Variants in AP3S2 observed in about 807,000 individuals in gnomAD.
AP3S2 encodes the protein AP-3 complex subunit sigma-2.
A neutral mutation model predicts 23.4 loss-of-function variants in AP3S2; 22 were observed. The ratio of observed to expected loss-of-function variants is 0.94; its 90% confidence interval spans 0.67 to 1.34. The LOEUF (loss-of-function observed/expected upper bound fraction) is 1.34, where lower values mean the gene tolerates loss of function less well. AP3S2 is among the 40% of genes most tolerant of loss of function. AP3S2 has a pLI of 0.00. For synonymous variants in AP3S2, 86 were observed against 87.1 expected, an observed-to-expected ratio of 0.99 and a Z score of 0.07; for missense variants, 241 against 236.9, an observed-to-expected ratio of 1.02 and a Z score of -0.11.
chr15:89,870,598 C>T (rs1433646293), intron 4 of AP3S2, among the ~76,000 whole-genome samples: 1 of 152,162 alleles, frequency 6.6e-6, no homozygotes, highest in Non-Finnish European at 1.5e-5. Context: ...TGAAAAACAA[C>T]AAGAAAGTCC....
intron 3 of AP3S2, chr15:89,883,989 C>A (rs895908104): frequency 3.3e-5 from 5 of 152,928 alleles, no homozygotes; most frequent in African/African-American, 1.2e-4. Context: ...ATGCAAATAT[C>A]CCCAAATCTG....
intron 3 of AP3S2, chr15:89,883,897 T>G (rs554484340): frequency 6.6e-6 from 1 of 152,286 alleles, no homozygotes; most frequent in Admixed American, 6.5e-5. Context: ...AAATCCAAAA[T>G]TTTTGAGTGC....
chr15:89,888,598 G>T lies in AP3S2; in HGVS notation c.196C>A (p.Arg66=). 1 of 1,614,144 alleles carries T rather than the reference G, an allele frequency of 6.2e-7. No homozygotes were observed. The highest frequency in any genetic ancestry group is 8.5e-7 in the Non-Finnish European group (1 of 1,180,012). ...IGGSDYKLIY[R]HYATLYFVFC... ...ACAAAGTAGAGGGTAGCATAGTGCC[G>T]GTAGATCAGTTTGTAGTCAGAGCCA... is the stretch of plus-strand genomic sequence containing the variant. Residue 66 remains arginine (R), a synonymous_variant, in exon 3 of 6, where the codon CGG becomes AGG. Transcript: ENST00000336418.
chr15:89,877,416 T>G, intron 3 of AP3S2: 1 of 1,288,680 alleles, frequency 7.8e-7, no homozygotes, highest in Non-Finnish European at 1.0e-6. Flanking sequence ...TCCTCTCTCT[T>G]TTTTTAAGCT....
At chr15:89,869,674 G>A (rs1230232333) in intron 4 of AP3S2, among the ~76,000 whole-genome samples, 3 of 151,690 alleles carry the variant, frequency 2.0e-5, no homozygotes, top group Admixed American at 2.0e-4. Flanking sequence ...AGCCTGGTGA[G>A]CAACAGGTGG....
chr15:89,866,261 C>A (rs1435382371), intron 4 of AP3S2, among the ~76,000 whole-genome samples: 571 of 87,400 alleles, frequency 6.5e-3, no homozygotes, highest in East Asian at 9.3e-3. Flanking sequence ...GACTCCGTCT[C>A]AAAAAAAAAA....
At chr15:89,870,100 A>G (rs959826875) in intron 4 of AP3S2, among the ~76,000 whole-genome samples, 5 of 152,146 alleles carry the variant, frequency 3.3e-5, no homozygotes, top group African/African-American at 1.2e-4. Context: ...GCACCTCTCC[A>G]TTCCCCCTAT....
At chr15:89,882,611 G>T (rs2083279) in intron 3 of AP3S2, among the ~76,000 whole-genome samples, 66,270 of 151,840 alleles carry the variant, frequency 0.44, 14,752 homozygotes, top group East Asian at 0.6. Context: ...TGCCCGCCTC[G>T]GCCTCCCAAA....
chr15:89,846,748 G>A (rs566457975), intron 4 of AP3S2, among the ~76,000 whole-genome samples: 260 of 152,216 alleles, frequency 1.7e-3, no homozygotes, highest in African/African-American at 5.9e-3. Flanking sequence ...GGATGGTCTC[G>A]ATCTCCTGAC....
chr15:89,846,512 C>T (rs1302195097), intron 4 of AP3S2, among the ~76,000 whole-genome samples: 1 of 152,128 alleles, frequency 6.6e-6, no homozygotes, highest in Admixed American at 6.6e-5. Flanking sequence ...CCACATGCCA[C>T]CACACCCGGC....
At chr15:89,847,333 A>AC (rs1385034665) in intron 4 of AP3S2, among the ~76,000 whole-genome samples, 1 of 133,628 alleles carries the variant, frequency 7.5e-6, no homozygotes, top group African/African-American at 2.8e-5. Flanking sequence ...CAGTGATTGC[A>AC]CCACTGCACT....
chr15:89,844,585 G>C lies in AP3S2; in HGVS notation c.346-6863C>G, dbSNP rs148268047. 2.1e-3 allele frequency among the ~76,000 whole-genome samples: 322 copies of C among 151,838 alleles called. 1 individual carries two copies. The highest frequency in any genetic ancestry group is 7.3e-3 in the African/African-American group (303 of 41,398). On this transcript the variant is annotated intron_variant, in intron 4 of 5. Coordinates refer to ENST00000336418, the MANE Select transcript of AP3S2 (RefSeq NM_005829.5). ...GCTGGTCTTGAACTCCTGAGCTCAA[G>C]GGATCCTCCCGCCTCAGCCTTCCAA...
intron 4 of AP3S2, 34 bp downstream of exon 4, chr15:89,871,441 C>A (rs574645644): frequency 6.3e-7 from 1 of 1,595,794 alleles, no homozygotes; most frequent in Admixed American, 1.8e-5. Context: ...TTTCTAGTAA[C>A]CCTAGTTTGG....
chr15:89,868,123 C>T (rs1896195142), intron 4 of AP3S2, among the ~76,000 whole-genome samples: 2 of 106,122 alleles, frequency 1.9e-5, no homozygotes, highest in South Asian at 3.6e-4. Flanking sequence ...ATGGGGGGGT[C>T]AGCCCCCCCA....
At chr15:89,854,484 C>A (rs1895759859) in intron 4 of AP3S2, among the ~76,000 whole-genome samples, 1 of 61,418 alleles carries the variant, frequency 1.6e-5, no homozygotes, top group African/African-American at 6.3e-5. Context: ...TGAGGAGCCC[C>A]TCTGCCCGGC....
At chr15:89,870,715 AATC>A in intron 4 of AP3S2, among the ~76,000 whole-genome samples, 1 of 152,298 alleles carries the variant, frequency 6.6e-6, no homozygotes, top group East Asian at 1.9e-4. Context: ...TCTCCTAAAA[AATC>A]ATCTCTCTCC....
chr15:89,855,211 TG>T (rs1453655659), intron 4 of AP3S2, among the ~76,000 whole-genome samples: 6 of 79,542 alleles, frequency 7.5e-5, no homozygotes, highest in Non-Finnish European at 1.5e-4. Flanking sequence ...GGGATCCTGT[TG>T]ATCTGTGACC....
intron 4 of AP3S2, 99 bp downstream of exon 4, chr15:89,871,376 A>G (rs923424318): frequency 1.2e-5 from 14 of 1,152,896 alleles, no homozygotes; most frequent in Non-Finnish European, 1.7e-5. Context: ...AGTAAAAAAA[A>G]ACAAGAAACA....
chr15:89,887,705 C>G (rs894606338), intron 3 of AP3S2, among the ~76,000 whole-genome samples: 3 of 152,114 alleles, frequency 2.0e-5, no homozygotes, highest in Admixed American at 6.6e-5. Context: ...GAGTCTCACT[C>G]TGTTGCCCAG....
Sources: gnomAD v4.1 joint callset for allele counts (sites outside exome capture counted in the v4.1 genomes callset) on GRCh38, gnomAD v4.1.1 for gene constraint, MANE v1.5 for transcripts, NCBI Gene and HGNC (gene_info 2026-07-23, HGNC 2026-07-21) for gene names.